SAMD4A: variants seen among roughly 807,000 people sequenced by gnomAD.
SAMD4A encodes the protein protein Smaug homolog 1.
A neutral mutation model predicts 81.3 loss-of-function variants in SAMD4A; 33 were observed. That is an observed-to-expected ratio of 0.41 (90% CI 0.31 to 0.54). SAMD4A has a LOEUF of 0.54. Ranked by LOEUF, SAMD4A falls within the 20% of genes least tolerant of loss-of-function variation. The pLI is 0.37. For missense variants in SAMD4A, 854 were observed against 951.1 expected (o/e 0.90, Z 1.34); for synonymous variants, 389 against 382.1 (o/e 1.02, Z -0.21).
intron 5 of SAMD4A, among the ~76,000 whole-genome samples, chr14:54,751,197 A>G (rs530151484): frequency 6.6e-6 from 1 of 152,320 alleles, no homozygotes; most frequent in Admixed American, 6.5e-5. Flanking sequence ...TCAAGGCTGC[A>G]GTGAGCTAAG....
rs2035820782 is a variant in SAMD4A at position 54,669,232 on chromosome 14, T to C, written c.197-32830T>C. Among the ~76,000 whole-genome samples the C allele has an allele frequency of 2.6e-5, 4 of 152,222 alleles. No individual in the cohort carries two copies. In the South Asian group the frequency reaches 8.3e-4, roughly 32 times the overall value. ...GAGACACAGCTAAGGTACTGTTCAG[T>C]GGTTCACATGCCCCAGCCTGGAGCC... On this transcript the variant is annotated intron_variant, in intron 2 of 12. Coordinates refer to ENST00000554335, the MANE Select transcript of SAMD4A (RefSeq NM_015589.6).
At chr14:54,593,675 A>C (rs2033841529) in intron 2 of SAMD4A, among the ~76,000 whole-genome samples, 1 of 152,180 alleles carries the variant, frequency 6.6e-6, no homozygotes, top group Non-Finnish European at 1.5e-5. Context: ...AGGCTGGAAT[A>C]GTCACTAAGC....
chr14:54,592,200 A>C (rs995266701), intron 2 of SAMD4A, among the ~76,000 whole-genome samples: 1 of 152,246 alleles, frequency 6.6e-6, no homozygotes, highest in African/African-American at 2.4e-5. Flanking sequence ...GAACTCCTTC[A>C]ACACTTATCT....
At position 54,789,150 on chromosome 14, in the gene SAMD4A, TTC is replaced by T; in HGVS notation, c.*208_*209del. The T allele has an allele frequency of 1.6e-6, 1 of 628,178 alleles. No individual in the cohort carries two copies. The highest frequency in any genetic ancestry group is 1.9e-5 in the South Asian group (1 of 53,606). The allele number at this position is 628,178 out of a possible 1,614,324, so 38.9% of individuals were successfully genotyped here. A position where few individuals can be genotyped will look rare whatever the true frequency, so the allele number is the denominator to read the frequency against. On this transcript the variant is annotated 3_prime_UTR_variant, in exon 13 of 13. Coordinates refer to ENST00000554335, the MANE Select transcript of SAMD4A (RefSeq NM_015589.6). ...TGGGGTTGGTTATTTTGTCATTTGT[TTC>T]TGTCATGGGATGGTTTGGTGTGTGG...
At chr14:54,705,601 A>G (rs1174043928) in intron 3 of SAMD4A, among the ~76,000 whole-genome samples, 1 of 151,434 alleles carries the variant, frequency 6.6e-6, no homozygotes, top group African/African-American at 2.4e-5. Flanking sequence ...TTTGTTTTTA[A>G]CCTTGGTTTA....
intron 2 of SAMD4A, among the ~76,000 whole-genome samples, chr14:54,614,484 A>G (rs1286301431): frequency 6.6e-6 from 1 of 152,204 alleles, no homozygotes; most frequent in Non-Finnish European, 1.5e-5. Context: ...TTGTTTAATG[A>G]CACGAATGCA....
In SAMD4A at chr14:54,720,433, G is replaced by C. The variant is rs544930879; in HGVS notation, c.716-16591G>C. Among the ~76,000 whole-genome samples the C allele has an allele frequency of 7.4e-4, 113 of 152,242 alleles. 3 individuals are homozygous for C. The South Asian group carries it at 0.022, about 29-fold the overall frequency. On this transcript the variant is annotated intron_variant, in intron 3 of 12. Coordinates refer to ENST00000554335, the MANE Select transcript of SAMD4A (RefSeq NM_015589.6). ...GAGGAAGGGACCTAGAACCTTATGT[G>C]TGTAGATTTCACCACAGAGAGATCA...
intron 2 of SAMD4A, among the ~76,000 whole-genome samples, chr14:54,606,959 A>C (rs1359691030): frequency 6.6e-6 from 1 of 152,194 alleles, no homozygotes; most frequent in Non-Finnish European, 1.5e-5. Flanking sequence ...TTTGGAGAGC[A>C]GGGTGCAGCC....
intron 2 of SAMD4A, among the ~76,000 whole-genome samples, chr14:54,672,028 T>G (rs200636846): frequency 0.028 from 4,217 of 150,840 alleles, 120 homozygotes; most frequent in East Asian, 0.1. Context: ...GTGTTTTTTT[T>G]TTTTTTTTTT....
At chr14:54,657,182 A>G (rs1024883401) in intron 2 of SAMD4A, among the ~76,000 whole-genome samples, 5 of 152,194 alleles carry the variant, frequency 3.3e-5, no homozygotes, top group African/African-American at 1.2e-4. Flanking sequence ...TTGGCCATTA[A>G]AATATTCTAC....
At chr14:54,687,578 C>T (rs964859195) in intron 2 of SAMD4A, among the ~76,000 whole-genome samples, 7 of 152,242 alleles carry the variant, frequency 4.6e-5, no homozygotes, top group Non-Finnish European at 7.4e-5. Context: ...TCTGGGCCGG[C>T]GATGCTTGTG....
chr14:54,616,581 A>C (rs1241490417), intron 2 of SAMD4A, among the ~76,000 whole-genome samples: 2 of 152,230 alleles, frequency 1.3e-5, no homozygotes, highest in Non-Finnish European at 2.9e-5. Flanking sequence ...ACATAATCCC[A>C]AACAAATTGT....
intron 2 of SAMD4A, among the ~76,000 whole-genome samples, chr14:54,684,611 C>G (rs1415494948): frequency 1.7e-5 from 1 of 58,808 alleles, no homozygotes; most frequent in East Asian, 4.0e-4. Context: ...CAGACACCCC[C>G]GCCCCCCCCC....
intron 3 of SAMD4A, among the ~76,000 whole-genome samples, chr14:54,709,204 G>A (rs957082666): frequency 6.6e-6 from 1 of 150,732 alleles, no homozygotes; most frequent in African/African-American, 2.5e-5. Context: ...TTGAGCCTGG[G>A]AGGTAGAGGT....
In SAMD4A at chr14:54,765,402, C is replaced by T. The variant is rs545499972; in HGVS notation, c.1596+862C>T. Among the ~76,000 whole-genome samples, 42 of 150,348 alleles carry T rather than the reference C, an allele frequency of 2.8e-4. 1 individual carries two copies. The South Asian group carries it at 5.9e-3, about 21-fold the overall frequency. ...CTTTGGGAGGCCGAGGTGGGAGGATCACTCGAGGCCAGGAGCTTGAGACCT... is the reference window on the plus strand; with the variant it reads ...CTTTGGGAGGCCGAGGTGGGAGGATTACTCGAGGCCAGGAGCTTGAGACCT... On this transcript the variant is annotated intron_variant, in intron 8 of 12. Transcript: ENST00000554335.
chr14:54,742,730 T>C (rs2037875884), intron 4 of SAMD4A, among the ~76,000 whole-genome samples: 1 of 152,214 alleles, frequency 6.6e-6, no homozygotes, highest in African/African-American at 2.4e-5. Context: ...TTTGGCATTA[T>C]GTTAGCACAC....
intron 2 of SAMD4A, among the ~76,000 whole-genome samples, chr14:54,645,169 G>A (rs1555339309): frequency 6.6e-6 from 1 of 152,148 alleles, no homozygotes; most frequent in Non-Finnish European, 1.5e-5. Context: ...GACTTAAAGT[G>A]AAAAAGGTAA....
chr14:54,636,599 A>C (rs538504521), intron 2 of SAMD4A, among the ~76,000 whole-genome samples: 2 of 152,204 alleles, frequency 1.3e-5, no homozygotes, highest in East Asian at 3.8e-4. Context: ...GGCGGCTCAC[A>C]CTTGGCTGAC....
Position 54,600,091 on chromosome 14 carries a change from A to G in SAMD4A, c.196+31979A>G, listed in dbSNP as rs1241598576. Among the ~76,000 whole-genome samples, 3 of 152,128 alleles carry G rather than the reference A, an allele frequency of 2.0e-5. 1 individual carries two copies. Among genetic ancestry groups the G allele is most frequent in the South Asian group, 4.2e-4 (2 of 4,818 alleles). ...GTAATGACAACCTTTTGGCAGATCAAATTTCAGTTTTAGAATTCAGGAAGC... is the reference window on the plus strand; with the variant it reads ...GTAATGACAACCTTTTGGCAGATCAGATTTCAGTTTTAGAATTCAGGAAGC... On this transcript the variant is annotated intron_variant, in intron 2 of 12. Transcript: ENST00000554335.
Sources: allele counts gnomAD v4.1 joint callset (sites outside exome capture counted in the v4.1 genomes callset), GRCh38; gene constraint gnomAD v4.1.1; transcripts MANE v1.5; gene names NCBI Gene and HGNC (gene_info 2026-07-23, HGNC 2026-07-21).